BTBD9: variants seen among roughly 807,000 people sequenced by gnomAD.
The protein encoded by BTBD9 is BTB/POZ domain-containing protein 9.
Under a neutral mutation model 64.3 loss-of-function variants are expected in BTBD9, and 49 were observed. The observed-to-expected ratio is 0.76, with a 90% CI of 0.61 to 0.97. The LOEUF (loss-of-function observed/expected upper bound fraction) is 0.97. Among genes scored for constraint, BTBD9 ranks in the 50% least tolerant of loss-of-function variants. The pLI is 0.00. For missense variants in BTBD9, 598 were observed against 762.1 expected (o/e 0.78, Z 2.53); for synonymous variants, 260 against 274.7 (o/e 0.95, Z 0.53).
intron 9 of BTBD9, chr6:38,193,925 C>T: frequency 8.2e-6 from 8 of 972,072 alleles, no homozygotes; most frequent in Non-Finnish European, 9.8e-6. Context: ...ATTAAAAAGT[C>T]ATTACCATCT....
rs1766800472 is a variant in BTBD9, at chr6:38,171,880, A to AAAAAAAAAAAAAAAAAAAAAAT, written c.*3104_*3105insATTTTTTTTTTTTTTTTTTTTT. 1.1e-5 allele frequency: 1 copy of AAAAAAAAAAAAAAAAAAAAAAT among 89,560 alleles called. No homozygotes were observed. The highest frequency in any genetic ancestry group is 2.0e-5 in the Non-Finnish European group (1 of 50,206). 5.5% of individuals were successfully genotyped at this position (89,560 alleles called of 1,614,324 possible). A position where few individuals can be genotyped will look rare whatever the true frequency, so the allele number is the denominator to read the frequency against. On this transcript the variant is annotated 3_prime_UTR_variant, in exon 11 of 11. Coordinates refer to ENST00000481247, the MANE Select transcript of BTBD9 (RefSeq NM_001099272.2). Reference sequence around the variant, plus strand: ...AAAAAAAAAAAAAAAAAAAAAAAAAAAATAATAATAATAATAATAATAATA... The same window carrying AAAAAAAAAAAAAAAAAAAAAAT: ...AAAAAAAAAAAAAAAAAAAAAAAAAAAAAAAAAAAAAAAAAAAAAAATAATAATAATAATAATAATAATAATA...
chr6:38,313,598 T>C (rs1016338321), intron 7 of BTBD9, among the ~76,000 whole-genome samples: 4 of 152,200 alleles, frequency 2.6e-5, no homozygotes, highest in African/African-American at 9.7e-5. Context: ...GGATGTAGAA[T>C]TTTATCAAAT....
At chr6:38,299,713 T>C (rs1762311842) in intron 7 of BTBD9, among the ~76,000 whole-genome samples, 1 of 152,238 alleles carries the variant, frequency 6.6e-6, no homozygotes, top group Non-Finnish European at 1.5e-5. Context: ...TGTTTGTTTT[T>C]TTCTTGTAAA....
rs57568036 is a variant in BTBD9, at chr6:38,374,283, G to GTATATATATATATACATA, written c.1155-29191_1155-29190insTATGTATATATATATATA. ...GGCCTTGTGTCGAAAAAAAAAAAAA[G>GTATATATATATATACATA]TATATATATATATGTATATATATGT... is the stretch of plus-strand genomic sequence containing the variant. On this transcript the variant is annotated intron_variant, in intron 6 of 10. Coordinates refer to ENST00000481247, the MANE Select transcript of BTBD9 (RefSeq NM_001099272.2). Among the ~76,000 whole-genome samples, 45 of 45,450 alleles carry GTATATATATATATACATA rather than the reference G, an allele frequency of 9.9e-4. 2 individuals are homozygous for GTATATATATATATACATA. The highest frequency in any genetic ancestry group is 2.9e-3 in the East Asian group (2 of 678). 29.8% of individuals were successfully genotyped at this position (45,450 alleles called of 152,430 possible). A position where few individuals can be genotyped will look rare whatever the true frequency, so the allele number is the denominator to read the frequency against.
rs151199482 is a variant in BTBD9, at chr6:38,590,299, T to C, written c.814+2277A>G. Among the ~76,000 whole-genome samples, 930 of 152,332 alleles carry C rather than the reference T, an allele frequency of 6.1e-3. 6 individuals carry two copies. Among genetic ancestry groups the C allele is most frequent in the South Asian group, 0.012 (56 of 4,832 alleles). On this transcript the variant is annotated intron_variant, in intron 4 of 10. Transcript: ENST00000481247. ...GATATATGGTAACAATGGTTTCCTA[T>C]ATTGAGCTTGCACACATTATTTTAA...
intron 6 of BTBD9, among the ~76,000 whole-genome samples, chr6:38,378,607 C>T (rs1765791533): frequency 6.6e-6 from 1 of 151,066 alleles, no homozygotes; most frequent in African/African-American, 2.4e-5. Flanking sequence ...GGTGCAGTGG[C>T]TCATGCCTGT....
chr6:38,625,058 A>G (rs955599452), intron 1 of BTBD9, among the ~76,000 whole-genome samples: 1 of 152,174 alleles, frequency 6.6e-6, no homozygotes, highest in Non-Finnish European at 1.5e-5. Context: ...ATTATTAAGT[A>G]CTCACTGGGT....
At chr6:38,479,599 T>C (rs1390673409) in intron 6 of BTBD9, among the ~76,000 whole-genome samples, 1 of 152,222 alleles carries the variant, frequency 6.6e-6, no homozygotes, top group African/African-American at 2.4e-5. Flanking sequence ...ACTGCATCCG[T>C]GTGACTGGGC....
At chr6:38,253,667 G>T (rs1764476220) in intron 9 of BTBD9, among the ~76,000 whole-genome samples, 1 of 152,182 alleles carries the variant, frequency 6.6e-6, no homozygotes, top group East Asian at 1.9e-4. Context: ...TACAAGGTCT[G>T]GTCTGGGAGC....
At chr6:38,511,339 C>T (rs916866757) in intron 6 of BTBD9, among the ~76,000 whole-genome samples, 4 of 132,428 alleles carry the variant, frequency 3.0e-5, no homozygotes, top group African/African-American at 5.1e-5. Flanking sequence ...TTTGGAAATG[C>T]CTTTTTTTTT....
At chr6:38,213,752 C>G (rs184066937) in intron 9 of BTBD9, among the ~76,000 whole-genome samples, 1 of 152,082 alleles carries the variant, frequency 6.6e-6, no homozygotes, top group Non-Finnish European at 1.5e-5. Flanking sequence ...GAGGCTGAGG[C>G]GGGCGGATCA....
Position 38,465,834 on chromosome 6 carries a change from CT to C in BTBD9, c.1154+111765del, listed in dbSNP as rs368219474. On this transcript the variant is annotated intron_variant, in intron 6 of 10. Coordinates refer to ENST00000481247, the MANE Select transcript of BTBD9 (RefSeq NM_001099272.2). Reference sequence around the variant, plus strand: ...TTTTTATCTTTTTCTTTCTTTTTTCCTTTTTTTTTTTTTTTTGAGACAGTCT... The same window carrying C: ...TTTTTATCTTTTTCTTTCTTTTTTCCTTTTTTTTTTTTTTTGAGACAGTCT... Among the ~76,000 whole-genome samples, 110 of 69,622 alleles carry C rather than the reference CT, an allele frequency of 1.6e-3. 1 individual carries two copies. The highest frequency in any genetic ancestry group is 8.6e-3 in the Middle Eastern group (1 of 116). The allele number at this position is 69,622 out of a possible 152,430, so 45.7% of individuals were successfully genotyped here.
At chr6:38,284,494 C>G (rs997320215) in intron 8 of BTBD9, among the ~76,000 whole-genome samples, 2 of 152,156 alleles carry the variant, frequency 1.3e-5, no homozygotes, top group Non-Finnish European at 2.9e-5. Context: ...AGTTGTCACC[C>G]TGATAATAAC....
intron 9 of BTBD9, among the ~76,000 whole-genome samples, chr6:38,245,224 T>C (rs548024276): frequency 2.6e-5 from 4 of 152,266 alleles, no homozygotes; most frequent in African/African-American, 9.6e-5. Context: ...TTAACAGCCA[T>C]GCTATGAATG....
intron 6 of BTBD9, among the ~76,000 whole-genome samples, chr6:38,374,311 A>ATATACACG (rs1765583793): frequency 8.6e-6 from 1 of 115,838 alleles, no homozygotes; most frequent in Non-Finnish European, 1.7e-5. Context: ...ATATATGTAT[A>ATATACACG]TATATATATA....
intron 9 of BTBD9, among the ~76,000 whole-genome samples, chr6:38,219,213 C>T (rs934991486): frequency 2.7e-5 from 4 of 148,618 alleles, no homozygotes; most frequent in African/African-American, 1.0e-4. Flanking sequence ...TGGCTCACTG[C>T]CAGCTCCGCC....
At chr6:38,578,099 G>C (rs1776134816) in intron 5 of BTBD9, among the ~76,000 whole-genome samples, 1 of 152,128 alleles carries the variant, frequency 6.6e-6, no homozygotes, top group Non-Finnish European at 1.5e-5. Flanking sequence ...ACGAGAGAGA[G>C]AAAGAACAGA....
intron 8 of BTBD9, among the ~76,000 whole-genome samples, chr6:38,262,333 T>C (rs1226260787): frequency 2.6e-5 from 4 of 152,148 alleles, no homozygotes; most frequent in African/African-American, 9.7e-5. Flanking sequence ...GCAGATCAGG[T>C]CGGTGTTTAG....
rs185393482 is a variant in BTBD9, at chr6:38,374,298, T to C, written c.1155-29205A>G. 9.6e-3 allele frequency among the ~76,000 whole-genome samples: 481 copies of C among 49,910 alleles called. 17 individuals carry two copies. The highest frequency in any genetic ancestry group is 0.085 in the East Asian group (33 of 388). The allele number at this position is 49,910 out of a possible 152,430, so 32.7% of individuals were successfully genotyped here. A position where few individuals can be genotyped will look rare whatever the true frequency, so the allele number is the denominator to read the frequency against. Reference sequence around the variant, plus strand: ...AAAAAAAAAAGTATATATATATATGTATATATATGTATATATATATATATA... The same window carrying C: ...AAAAAAAAAAGTATATATATATATGCATATATATGTATATATATATATATA... On this transcript the variant is annotated intron_variant, in intron 6 of 10. Transcript: ENST00000481247.
Sources: gnomAD v4.1 joint callset for allele counts (sites outside exome capture counted in the v4.1 genomes callset) on GRCh38, gnomAD v4.1.1 for gene constraint, MANE v1.5 for transcripts, NCBI Gene and HGNC (gene_info 2026-07-23, HGNC 2026-07-21) for gene names.